PCDHGA4: variants seen among roughly 807,000 people sequenced by gnomAD.
PCDHGA4 encodes protocadherin gamma-A4.
PCDHGA4 carries 38 observed loss-of-function variants against 54.6 expected under a neutral mutation model. That is an observed-to-expected ratio of 0.70 (90% CI 0.54 to 0.91). The LOEUF (loss-of-function observed/expected upper bound fraction) is 0.91, where lower values mean the gene tolerates loss of function less well. Among genes scored for constraint, PCDHGA4 ranks in the 40% least tolerant of loss-of-function variants. The pLI is 0.00. For missense variants in PCDHGA4, 1,298 were observed against 1,220.9 expected, an observed-to-expected ratio of 1.06 and a Z score of -0.94; for synonymous variants, 511 against 512.9, an observed-to-expected ratio of 1.00 and a Z score of 0.05.
intron 1 of PCDHGA4, chr5:141,389,263 C>G (rs1285877712): frequency 6.2e-7 from 1 of 1,614,028 alleles, no homozygotes; most frequent in Admixed American, 1.7e-5. Flanking sequence ...GTCCACGTGG[C>G]CGAGAACAAC....
chr5:141,427,458 A>T (rs2097029342), intron 1 of PCDHGA4: 1 of 494,398 alleles, frequency 2.0e-6, no homozygotes, highest in African/African-American at 1.9e-5. Context: ...TCCTTTTAGA[A>T]TCGAATCTTC....
chr5:141,448,099 T>C (rs1002430560), intron 1 of PCDHGA4, among the ~76,000 whole-genome samples: 1 of 151,272 alleles, frequency 6.6e-6, no homozygotes, highest in African/African-American at 2.4e-5. Context: ...AAAAAAAAAA[T>C]TAAAAGAAAA....
chr5:141,371,086 T>C (rs1767472872), intron 1 of PCDHGA4: 2 of 1,613,836 alleles, frequency 1.2e-6, no homozygotes, highest in Admixed American at 3.3e-5. Context: ...ATCAGGGTAA[T>C]TGTCGCAGAT....
chr5:141,418,986 C>T, intron 1 of PCDHGA4: 1 of 1,613,930 alleles, frequency 6.2e-7, no homozygotes, highest in Non-Finnish European at 8.5e-7. Context: ...GACCAAGACT[C>T]AGGGGAAAAT....
chr5:141,437,715 C>T (rs2097903335), intron 1 of PCDHGA4, among the ~76,000 whole-genome samples: 1 of 151,772 alleles, frequency 6.6e-6, no homozygotes, highest in Non-Finnish European at 1.5e-5. Context: ...ACACAGTTAC[C>T]CTCTAATGTT....
chr5:141,487,404 C>T lies in PCDHGA4; in HGVS notation c.2515-7403C>T, dbSNP rs771371344. ...AGATCTCGAAGGAGGGAGGGGCTTC[C>T]CCCTTCCAATGGGATCCTCCGAATC... On this transcript the variant is annotated intron_variant, in intron 1 of 3. Transcript: ENST00000571252. The surrounding 1 kb of genome is among the most constrained non-coding windows in gnomAD (Gnocchi z 5.0). 2 of 1,614,178 alleles carry T rather than the reference C, an allele frequency of 1.2e-6. No homozygotes were observed. Among genetic ancestry groups the T allele is most frequent in the Non-Finnish European group, 8.5e-7 (1 of 1,180,032 alleles).
intron 1 of PCDHGA4, chr5:141,417,791 C>T: frequency 6.7e-7 from 1 of 1,482,658 alleles, no homozygotes; most frequent in Non-Finnish European, 9.0e-7. Context: ...GCCGAATGCT[C>T]TTTTAGCGCG....
chr5:141,361,668 C>CG, intron 1 of PCDHGA4: 1 of 1,613,670 alleles, frequency 6.2e-7, no homozygotes, highest in Non-Finnish European at 8.5e-7. Context: ...GCGCGCAGAG[C>CG]GGGGTGGTGT....
rs779317191 is a variant in PCDHGA4, at chr5:141,432,553, C to G, written c.2515-62254C>G. The G allele has an allele frequency of 2.6e-5, 42 of 1,613,748 alleles. No individual in the cohort carries two copies. The highest frequency in any genetic ancestry group is 2.0e-4 in the South Asian group (18 of 91,068). The stretch of plus-strand genomic sequence containing the variant: ...AGGTGGTGGCGGTGGACAGAGACTC[C>G]GGCCAGAACGCCTGGCTGTCCTACC... On this transcript the variant is annotated intron_variant, in intron 1 of 3. Coordinates refer to ENST00000571252, the MANE Select transcript of PCDHGA4 (RefSeq NM_018917.4). The surrounding 1 kb of genome is among the most constrained non-coding windows in gnomAD (Gnocchi z 6.0).
intron 1 of PCDHGA4, among the ~76,000 whole-genome samples, chr5:141,367,981 T>C (rs908218120): frequency 6.6e-6 from 1 of 152,212 alleles, no homozygotes; most frequent in African/African-American, 2.4e-5. Context: ...TCATCTTAAA[T>C]TAATAGATTT....
intron 1 of PCDHGA4, chr5:141,429,047 GGTTTCACC>G (rs1254088441): frequency 1.3e-5 from 2 of 152,034 alleles, no homozygotes; most frequent in Non-Finnish European, 2.9e-5. Flanking sequence ...GTACAGACGG[GGTTTCACC>G]GTGTTAGCCA....
Position 141,431,732 on chromosome 5 carries a change from G to C in PCDHGA4, c.2515-63075G>C. 1 of 1,614,238 alleles carries C rather than the reference G, an allele frequency of 6.2e-7. No individual in the cohort carries two copies. Among genetic ancestry groups the C allele is most frequent in the Non-Finnish European group, 8.5e-7 (1 of 1,180,046 alleles). On this transcript the variant is annotated intron_variant, in intron 1 of 3. Coordinates refer to ENST00000571252, the MANE Select transcript of PCDHGA4 (RefSeq NM_018917.4). The surrounding 1 kb of genome is among the most constrained non-coding windows in gnomAD (Gnocchi z 4.8). ...GATGGAAGTGCAAGCAATGGATAAT[G>C]CAGGATATTCTGCGCGAGCCAAAGT...
In PCDHGA4 at chr5:141,489,353, A is replaced by G. The variant is rs1423278514; in HGVS notation, c.2515-5454A>G. 3.7e-6 allele frequency: 6 copies of G among 1,612,316 alleles called. No homozygotes were observed. In the African/African-American group the frequency reaches 6.7e-5, roughly 18 times the overall value. ...CAGCTTCGTTACTCAGTGGTGGAGG[A>G]GTCTGAGCCGGGGACGCTGGTGGGG... On this transcript the variant is annotated intron_variant, in intron 1 of 3. Transcript: ENST00000571252. This position sits in a 1 kb window ranked among gnomAD's most constrained non-coding sequence, Gnocchi z 4.5.
intron 1 of PCDHGA4, among the ~76,000 whole-genome samples, chr5:141,451,703 A>G (rs975120935): frequency 6.6e-6 from 1 of 152,144 alleles, no homozygotes; most frequent in Non-Finnish European, 1.5e-5. Flanking sequence ...GTAACATGAC[A>G]AAACCCTGCC....
intron 1 of PCDHGA4, chr5:141,423,031 A>G (rs761268652): frequency 1.2e-6 from 2 of 1,614,096 alleles, no homozygotes; most frequent in East Asian, 2.2e-5. Flanking sequence ...TTCAGGCCAG[A>G]ACGCCTGGCT....
At position 141,489,871 on chromosome 5, in the gene PCDHGA4, G is replaced by C; in HGVS notation, c.2515-4936G>C. ...TGAAGCCCAGGCAAGACATCAGCTGGTGCTTACTGCTGTGGATGGGGGGAC... is the reference window on the plus strand; with the variant it reads ...TGAAGCCCAGGCAAGACATCAGCTGCTGCTTACTGCTGTGGATGGGGGGAC... On this transcript the variant is annotated intron_variant, in intron 1 of 3. Coordinates refer to ENST00000571252, the MANE Select transcript of PCDHGA4 (RefSeq NM_018917.4). The surrounding 1 kb of genome is among the most constrained non-coding windows in gnomAD (Gnocchi z 4.5). 1 of 1,614,206 alleles carries C rather than the reference G, an allele frequency of 6.2e-7. No individual in the cohort carries two copies.
rs111388524 is a variant in PCDHGA4, at chr5:141,376,009, A to C, written c.2514+18388A>C. On this transcript the variant is annotated intron_variant, in intron 1 of 3. Transcript: ENST00000571252. ...ACAGAGACGCGCTCAAGCAGAGCCTAGTGGTGGCCGTCCAGGACCACGGCC... is the reference window on the plus strand; with the variant it reads ...ACAGAGACGCGCTCAAGCAGAGCCTCGTGGTGGCCGTCCAGGACCACGGCC... 13,464 of 1,612,162 alleles carry C rather than the reference A, an allele frequency of 8.4e-3. 162 individuals carry two copies. The highest frequency in any genetic ancestry group is 0.039 in the African/African-American group (2,956 of 74,982).
intron 2 of PCDHGA4, among the ~76,000 whole-genome samples, chr5:141,503,797 G>A (rs2099831309): frequency 6.6e-6 from 1 of 152,006 alleles, no homozygotes; most frequent in South Asian, 2.1e-4. Context: ...ATCTACTTAG[G>A]GACGGGGAAT....
intron 1 of PCDHGA4, chr5:141,398,925 C>G (rs766149685): frequency 1.1e-5 from 17 of 1,613,966 alleles, no homozygotes; most frequent in Non-Finnish European, 1.4e-5. Flanking sequence ...AAGTGTCAGC[C>G]ACTGACCAAG....
Sources: allele counts gnomAD v4.1 joint callset (sites outside exome capture counted in the v4.1 genomes callset), GRCh38; gene constraint gnomAD v4.1.1; non-coding constraint Gnocchi (gnomAD v3.1); transcripts MANE v1.5; gene names NCBI Gene and HGNC (gene_info 2026-07-23, HGNC 2026-07-21).